The following NAALADL2 variants were observed in gnomAD, a reference collection of about 807,000 sequenced individuals.
The protein encoded by NAALADL2 is N-acetylated alpha-linked acidic dipeptidase like 2.
In NAALADL2, 76 loss-of-function variants were observed where a neutral mutation model predicts 87.2. That is an observed-to-expected ratio of 0.87 (90% CI 0.72 to 1.05). The LOEUF is 1.05. Among genes scored for constraint, NAALADL2 ranks in the 50% least tolerant of loss-of-function variants. NAALADL2 has a pLI of 0.00. For synonymous variants in NAALADL2, 354 were observed against 331.0 expected (o/e 1.07, Z -0.75); for missense variants, 1,089 against 945.8 (o/e 1.15, Z -1.99).
At chr3:175,537,835 G>T (rs1711542192) in intron 9 of NAALADL2, among the ~76,000 whole-genome samples, 1 of 152,122 alleles carries the variant, frequency 6.6e-6, no homozygotes, top group South Asian at 2.1e-4. Context: ...GTACAGAATT[G>T]GGAAGAAAAT....
intron 3 of NAALADL2, among the ~76,000 whole-genome samples, chr3:174,796,745 A>AT (rs1718147682): frequency 6.6e-6 from 1 of 152,024 alleles, no homozygotes; most frequent in South Asian, 2.1e-4. Flanking sequence ...TCGTTTGAGC[A>AT]TTTTTGTATA....
chr3:175,013,253 A>C (rs1487589556), intron 1 of NAALADL2, among the ~76,000 whole-genome samples: 1 of 102,604 alleles, frequency 9.7e-6, no homozygotes, highest in Non-Finnish European at 1.8e-5. Flanking sequence ...AAAATATATA[A>C]TATACATATA....
intron 3 of NAALADL2, among the ~76,000 whole-genome samples, chr3:175,247,294 C>T (rs1303385494): frequency 1.5e-5 from 2 of 129,054 alleles, no homozygotes; most frequent in African/African-American, 5.5e-5. Context: ...ACACATAAAA[C>T]ACATAAGTAA....
chr3:174,445,199 T>C lies in NAALADL2; in HGVS notation c.-184+4167T>C, dbSNP rs192055595. Among the ~76,000 whole-genome samples, 431 of 152,198 alleles carry C rather than the reference T, an allele frequency of 2.8e-3. 2 individuals carry two copies. The highest frequency in any genetic ancestry group is 0.01 in the African/African-American group (416 of 41,546). On this transcript the variant is annotated intron_variant, in intron 1 of 3. Coordinates refer to the NAALADL2 transcript ENST00000434257. ...AATATATGTAAATATTGCAATACAA[T>C]TGATAAATGCCTTATGAAGAGTACT... is the stretch of plus-strand genomic sequence containing the variant.
At chr3:175,049,504 T>C (rs1346667720) in intron 1 of NAALADL2, among the ~76,000 whole-genome samples, 2 of 152,218 alleles carry the variant, frequency 1.3e-5, no homozygotes, top group African/African-American at 2.4e-5. Flanking sequence ...CAAGGTAGTC[T>C]GGCCTGGCCA....
chr3:174,873,505 G>C (rs1416753059), intron 1 of NAALADL2, among the ~76,000 whole-genome samples: 1 of 151,936 alleles, frequency 6.6e-6, no homozygotes, highest in Non-Finnish European at 1.5e-5. Context: ...CACCCACCTT[G>C]GCCTCCCAAA....
intron 10 of NAALADL2, among the ~76,000 whole-genome samples, chr3:175,588,640 G>A (rs1266553618): frequency 1.4e-5 from 2 of 142,158 alleles, no homozygotes; most frequent in African/African-American, 2.6e-5. Flanking sequence ...CTGGGTTCAC[G>A]CCATTCACCT....
At chr3:174,846,766 A>G (rs1270384323) in intron 3 of NAALADL2, among the ~76,000 whole-genome samples, 1 of 152,104 alleles carries the variant, frequency 6.6e-6, no homozygotes, top group Non-Finnish European at 1.5e-5. Flanking sequence ...AGGATAAAAA[A>G]TTTTGCTGGT....
At chr3:174,463,694 G>A (rs1326115350) in intron 1 of NAALADL2, among the ~76,000 whole-genome samples, 1 of 145,178 alleles carries the variant, frequency 6.9e-6, no homozygotes, top group Non-Finnish European at 1.5e-5. Context: ...TCTGCCTCCC[G>A]AGTTCACGCC....
chr3:175,068,022 G>A (rs1232816910), intron 1 of NAALADL2, among the ~76,000 whole-genome samples: 1 of 152,060 alleles, frequency 6.6e-6, no homozygotes, highest in Non-Finnish European at 1.5e-5. Context: ...TCATTTGTAG[G>A]TGGGAGCTAA....
chr3:175,106,734 A>G (rs1723224935), intron 2 of NAALADL2, among the ~76,000 whole-genome samples: 2 of 152,068 alleles, frequency 1.3e-5, no homozygotes, highest in African/African-American at 4.8e-5. Context: ...TGAAATCAAG[A>G]TTCAAGTGGC....
intron 1 of NAALADL2, among the ~76,000 whole-genome samples, chr3:174,525,661 T>A (rs944964679): frequency 6.6e-6 from 1 of 152,242 alleles, no homozygotes; most frequent in Non-Finnish European, 1.5e-5. Flanking sequence ...TTTTTAATGA[T>A]GTTTTTAGAT....
intron 9 of NAALADL2, among the ~76,000 whole-genome samples, chr3:175,566,376 C>T (rs758299617): frequency 1.5e-4 from 23 of 152,024 alleles, no homozygotes; most frequent in African/African-American, 3.1e-4. Flanking sequence ...CATATTAGAG[C>T]GTATAGACTT....
chr3:175,755,095 A>T (rs564324962), intron 12 of NAALADL2, 125 bp from the exon 13 acceptor site: 1 of 735,098 alleles, frequency 1.4e-6, no homozygotes, highest in Non-Finnish European at 2.2e-6. Flanking sequence ...AGAACTGTCA[A>T]TGACAATTTC....
intron 5 of NAALADL2, among the ~76,000 whole-genome samples, chr3:175,356,089 A>G (rs539248377): frequency 9.2e-5 from 14 of 152,296 alleles, no homozygotes; most frequent in African/African-American, 3.4e-4. Context: ...AGGACCTTGG[A>G]AACCGAGGAA....
rs1471976228 is a variant in NAALADL2 at position 175,314,700 on chromosome 3, A to C, written c.940-9475A>C. Among the ~76,000 whole-genome samples the C allele has an allele frequency of 6.6e-4, 56 of 84,930 alleles. 2 individuals are homozygous for C. Among genetic ancestry groups the C allele is most frequent in the African/African-American group, 2.0e-3 (48 of 23,962 alleles). The allele number at this position is 84,930 out of a possible 152,430, so 55.7% of individuals were successfully genotyped here. ...TATATATATATATATATATATATAT[A>C]TATATATATATATATATATATAGTT... On this transcript the variant is annotated intron_variant, in intron 4 of 13. Transcript: ENST00000454872.
In NAALADL2 at chr3:175,426,394, A is replaced by G. The variant is rs1013911233; in HGVS notation, c.1091-20835A>G. On this transcript the variant is annotated intron_variant, in intron 5 of 13. Transcript: ENST00000454872. ...AAACAAAGCAAAACAAAAATGACTT[A>G]CGTTGTATCATTGTTATGTATTTAT... Among the ~76,000 whole-genome samples the G allele has an allele frequency of 7.2e-5, 11 of 152,268 alleles. No individual in the cohort carries two copies. In the East Asian group the frequency reaches 1.9e-3, roughly 27 times the overall value.
At chr3:175,367,143 C>T (rs1237459487) in intron 5 of NAALADL2, among the ~76,000 whole-genome samples, 21 of 151,226 alleles carry the variant, frequency 1.4e-4, no homozygotes, top group Non-Finnish European at 2.6e-4. Flanking sequence ...TTGTTTTTCT[C>T]AGGTTTGTCA....
intron 9 of NAALADL2, among the ~76,000 whole-genome samples, chr3:175,514,766 G>A (rs1420314132): frequency 1.3e-5 from 2 of 152,154 alleles, no homozygotes; most frequent in East Asian, 3.9e-4. Flanking sequence ...ATAAAAGAAG[G>A]AAAACCAGAT....
Sources: allele counts gnomAD v4.1 joint callset (sites outside exome capture counted in the v4.1 genomes callset), GRCh38; gene constraint gnomAD v4.1.1; transcripts MANE v1.5; gene names NCBI Gene and HGNC (gene_info 2026-07-23, HGNC 2026-07-21).